SLC4A10: variants seen among roughly 807,000 people sequenced by gnomAD.
SLC4A10 encodes the protein solute carrier family 4 member 10.
SLC4A10 carries 42 observed loss-of-function variants against 137.7 expected under a neutral mutation model. The observed-to-expected ratio is 0.30, with a 90% CI of 0.24 to 0.39. SLC4A10 has a LOEUF of 0.39. Ranked by LOEUF, SLC4A10 falls within the 10% of genes least tolerant of loss-of-function variation. The probability of loss-of-function intolerance (pLI) is 1.00; values close to 1 mark genes in which losing one functional copy is unlikely to be tolerated. For synonymous variants in SLC4A10, 474 were observed against 464.1 expected (o/e 1.02, Z -0.27); for missense variants, 925 against 1,355.0 (o/e 0.68, Z 4.98).
intron 16 of SLC4A10, among the ~76,000 whole-genome samples, chr2:161,945,756 C>A (rs772450600): frequency 2.0e-5 from 3 of 151,828 alleles, no homozygotes; most frequent in African/African-American, 4.8e-5. Flanking sequence ...ATAACATTTT[C>A]AAATATGCTT....
At chr2:161,723,177 G>A (rs2045874608) in intron 1 of SLC4A10, among the ~76,000 whole-genome samples, 1 of 152,154 alleles carries the variant, frequency 6.6e-6, no homozygotes, top group African/African-American at 2.4e-5. Flanking sequence ...AGGCACTAGT[G>A]GCATGGGTTC....
intron 26 of SLC4A10, among the ~76,000 whole-genome samples, chr2:161,979,556 C>A (rs1699913302): frequency 1.3e-5 from 2 of 152,216 alleles, no homozygotes; most frequent in Non-Finnish European, 2.9e-5. Flanking sequence ...TAGTTAATCT[C>A]TTTTATCCTC....
At chr2:161,950,886 A>G (rs967746592) in intron 19 of SLC4A10, 38 bp downstream of exon 19, 6 of 1,493,380 alleles carry the variant, frequency 4.0e-6, no homozygotes, top group African/African-American at 1.4e-5. Flanking sequence ...AATAATTATG[A>G]CAACTGATAT....
At chr2:161,859,136 G>T (rs979815925) in intron 5 of SLC4A10, among the ~76,000 whole-genome samples, 1 of 152,070 alleles carries the variant, frequency 6.6e-6, no homozygotes, top group South Asian at 2.1e-4. Context: ...CTTCAAAAAG[G>T]CAGAGATTTA....
intron 19 of SLC4A10, among the ~76,000 whole-genome samples, chr2:161,954,125 A>G (rs989483422): frequency 3.3e-5 from 5 of 152,182 alleles, no homozygotes; most frequent in Admixed American, 3.3e-4. Flanking sequence ...AAATGAATGC[A>G]TTTGCAACAT....
At chr2:161,853,000 A>C (rs2059914176) in intron 4 of SLC4A10, among the ~76,000 whole-genome samples, 1 of 152,210 alleles carries the variant, frequency 6.6e-6, no homozygotes, top group Non-Finnish European at 1.5e-5. Context: ...ATTCCATTAA[A>C]ATGTCTGCCA....
chr2:161,942,512 T>A, intron 15 of SLC4A10, among the ~76,000 whole-genome samples: 1 of 152,144 alleles, frequency 6.6e-6, no homozygotes, highest in East Asian at 1.9e-4. Context: ...TGGATTTGGA[T>A]ATTTATCATT....
rs1700479303 is a variant in SLC4A10, at chr2:161,983,333, G to A, written c.*181G>A. The A allele has an allele frequency of 1.6e-6, 2 of 1,258,740 alleles. No homozygotes were observed. Among genetic ancestry groups the A allele is most frequent in the Non-Finnish European group, 1.1e-6 (1 of 907,756 alleles). 78.0% of individuals were successfully genotyped at this position (1,258,740 alleles called of 1,614,324 possible). Reference sequence around the variant, plus strand: ...GCTTTGATCATGTATTGTAAATTCTGTCCCTCAACCCAAATCCACCTTCAT... The same window carrying A: ...GCTTTGATCATGTATTGTAAATTCTATCCCTCAACCCAAATCCACCTTCAT... On this transcript the variant is annotated 3_prime_UTR_variant, in exon 27 of 27. Transcript: ENST00000446997.
At chr2:161,950,362 T>A (rs1694587459) in intron 18 of SLC4A10, among the ~76,000 whole-genome samples, 1 of 152,088 alleles carries the variant, frequency 6.6e-6, no homozygotes, top group Admixed American at 6.6e-5. Flanking sequence ...ATAACACAGA[T>A]TTTTCAACAA....
At chr2:161,877,137 A>G (rs527676293) in intron 8 of SLC4A10, among the ~76,000 whole-genome samples, 1 of 152,240 alleles carries the variant, frequency 6.6e-6, no homozygotes, top group African/African-American at 2.4e-5. Flanking sequence ...ATTAAATTTC[A>G]TCTTTAAACA....
intron 3 of SLC4A10, among the ~76,000 whole-genome samples, chr2:161,813,321 A>G (rs894310241): frequency 1.3e-5 from 2 of 152,120 alleles, no homozygotes. Context: ...TGTTTCCAAC[A>G]GTATGTATAA....
At chr2:161,981,855 G>A (rs186166303) in intron 26 of SLC4A10, among the ~76,000 whole-genome samples, 63 of 152,252 alleles carry the variant, frequency 4.1e-4, no homozygotes, top group Non-Finnish European at 5.9e-5. Flanking sequence ...ATAGACACGC[G>A]CTCACACCAG....
Position 161,753,887 on chromosome 2 carries a change from T to TTTATTTATTTAC in SLC4A10, c.49-17075_49-17074insCTTATTTATTTA, listed in dbSNP as rs1553525414. On this transcript the variant is annotated intron_variant, in intron 1 of 26. Coordinates refer to ENST00000446997, the MANE Select transcript of SLC4A10 (RefSeq NM_001178015.2). Reference sequence around the variant, plus strand: ...ATTTATTTATTTATTTATTTATTTATTTATTTATTTATTTATTTTTGGGAC... The same window carrying TTTATTTATTTAC: ...ATTTATTTATTTATTTATTTATTTATTTATTTATTTACTTATTTATTTATTTATTTTTGGGAC... Among the ~76,000 whole-genome samples, 39 of 149,894 alleles carry TTTATTTATTTAC rather than the reference T, an allele frequency of 2.6e-4. 2 individuals carry two copies. The highest frequency in any genetic ancestry group is 6.7e-4 in the Admixed American group (10 of 14,994).
At chr2:161,864,457 G>A (rs2060619001) in intron 6 of SLC4A10, among the ~76,000 whole-genome samples, 1 of 152,026 alleles carries the variant, frequency 6.6e-6, no homozygotes, top group Non-Finnish European at 1.5e-5. Flanking sequence ...AAAATATAGG[G>A]TAAATGCTTT....
intron 5 of SLC4A10, among the ~76,000 whole-genome samples, chr2:161,861,498 A>AT (rs36007286): frequency 0.59 from 89,842 of 151,868 alleles, 26,760 homozygotes; most frequent in East Asian, 0.85. Context: ...TGATCTTTCT[A>AT]TTATGTGAGC....
intron 4 of SLC4A10, among the ~76,000 whole-genome samples, chr2:161,841,328 T>A (rs949583840): frequency 6.6e-6 from 1 of 152,186 alleles, no homozygotes; most frequent in Non-Finnish European, 1.5e-5. Context: ...TCTACCTGCC[T>A]CAGCCTCCCA....
rs534283880 is a variant in SLC4A10 at position 161,667,642 on chromosome 2, C to A, written c.48+43076C>A. Among the ~76,000 whole-genome samples the A allele has an allele frequency of 2.6e-3, 388 of 151,736 alleles. 4 individuals carry two copies. Among genetic ancestry groups the A allele is most frequent in the Non-Finnish European group, 5.0e-3 (336 of 67,668 alleles). On this transcript the variant is annotated intron_variant, in intron 1 of 26. Transcript: ENST00000446997. ...ATGTACCTATCACAATGAGTTGTAGCAGTTACTTTGAGAAAATATATTTAT... is the reference window on the plus strand; with the variant it reads ...ATGTACCTATCACAATGAGTTGTAGAAGTTACTTTGAGAAAATATATTTAT...
At chr2:161,770,843 A>G in intron 1 of SLC4A10, 130 bp from the exon 2 acceptor site, 1 of 572,834 alleles carries the variant, frequency 1.7e-6, no homozygotes, top group Non-Finnish European at 3.1e-6. Context: ...AATCAAATAG[A>G]CTACTCATGA....
intron 1 of SLC4A10, among the ~76,000 whole-genome samples, chr2:161,743,654 T>C (rs985535909): frequency 6.6e-6 from 1 of 152,170 alleles, no homozygotes; most frequent in African/African-American, 2.4e-5. Flanking sequence ...TTTGGATTTT[T>C]TTTTCTATTT....
Sources: allele counts gnomAD v4.1 joint callset (sites outside exome capture counted in the v4.1 genomes callset), GRCh38; gene constraint gnomAD v4.1.1; transcripts MANE v1.5; gene names NCBI Gene and HGNC (gene_info 2026-07-23, HGNC 2026-07-21).